KLHDC4: variants seen among roughly 807,000 people sequenced by gnomAD.
KLHDC4 encodes the protein kelch domain-containing protein 4.
A neutral mutation model predicts 62.4 loss-of-function variants in KLHDC4; 90 were observed. That is an observed-to-expected ratio of 1.44 (90% confidence interval 1.22 to 1.72). The LOEUF is 1.72. Ranked by LOEUF, KLHDC4 falls within the 40% of genes most tolerant of loss-of-function variation. The probability of loss-of-function intolerance (pLI) is 0.00; values close to 1 mark genes in which losing one functional copy is unlikely to be tolerated. For missense variants in KLHDC4, 1,025 were observed against 699.7 expected (o/e 1.47, Z -5.25); for synonymous variants, 386 against 284.4 (o/e 1.36, Z -3.59).
chr16:87,765,764 G>A, intron 1 of KLHDC4, 28 bp downstream of exon 1: 2 of 1,553,232 alleles, frequency 1.3e-6, no homozygotes, highest in Non-Finnish European at 1.7e-6. Context: ...GCGACGTCGG[G>A]CCGCTAAGCC....
chr16:87,749,673 T>A (rs546130534), intron 4 of KLHDC4, among the ~76,000 whole-genome samples: 1 of 152,044 alleles, frequency 6.6e-6, no homozygotes, highest in East Asian at 1.9e-4. Flanking sequence ...AGCCTCGACC[T>A]CATGGTTTCA....
chr16:87,700,225 T>A (rs1209483550), exon 1 of KLHDC4: 1 of 154,526 alleles, frequency 6.5e-6, no homozygotes, highest in Non-Finnish European at 1.5e-5. Flanking sequence ...CGAAGTTTGA[T>A]CTGACTGTTC....
In KLHDC4 at chr16:87,765,817, A is replaced by C. The variant is rs1178797744; in HGVS notation, c.74T>G (p.Val25Gly). The change falls in exon 1 of 12, where the codon GTG becomes GGG. Residue 25 changes from valine to glycine, a missense_variant. Val to Gly is a moderately radical substitution (Grantham distance 109). Transcript: ENST00000270583. ...CTCCTCCTTCCGCGAGCGCTTAGAC[A>C]CCTTCTTCTCCATCTTGGCGGCCGT... ...EKTAAKMEKK[V>G]SKRSRKEEED... The C allele has an allele frequency of 6.4e-7, 1 of 1,567,996 alleles. No individual in the cohort carries two copies. The highest frequency in any genetic ancestry group is 1.2e-5 in the South Asian group (1 of 85,362).
At chr16:87,711,078 C>A in intron 9 of KLHDC4, 157 bp downstream of exon 9, 1 of 665,236 alleles carries the variant, frequency 1.5e-6, no homozygotes, top group Non-Finnish European at 2.6e-6. Context: ...CAAGCCTAGT[C>A]ACCCAGGACA....
intron 5 of KLHDC4, among the ~76,000 whole-genome samples, chr16:87,747,189 A>G (rs1480257502): frequency 6.6e-6 from 1 of 152,244 alleles, no homozygotes; most frequent in Non-Finnish European, 1.5e-5. Flanking sequence ...CCACAGAGGC[A>G]CCGGAGCCAA....
intron 7 of KLHDC4, among the ~76,000 whole-genome samples, chr16:87,717,225 C>A (rs2037187009): frequency 1.3e-5 from 2 of 152,154 alleles, no homozygotes; most frequent in Admixed American, 1.3e-4. Flanking sequence ...AGTGAGACTT[C>A]TCAAAAATTA....
At position 87,748,682 on chromosome 16, in the gene KLHDC4, T is replaced by C. The variant is rs970255293; in HGVS notation, c.497A>G (p.Glu166Gly). 1.2e-6 allele frequency: 2 copies of C among 1,613,042 alleles called. No homozygotes were observed. Among genetic ancestry groups the C allele is most frequent in the African/African-American group, 2.7e-5 (2 of 74,588 alleles). ...TCATCTGGCTTCTTACTTGACTTGT[T>C]CCCAGGTCTTGGTGGCCAAATGCAG... is the stretch of plus-strand genomic sequence containing the variant. ...WVLHLATKTW[E>G]QVKSTGGPSG... Residue 166 changes from glutamate (E) to glycine (G), a missense_variant, in exon 5 of 12, where the codon GAA (glutamate) becomes GGA (glycine). Glu to Gly is a moderately conservative substitution (Grantham distance 98). Transcript: ENST00000270583.
chr16:87,762,294 G>C (rs1435566317), intron 1 of KLHDC4: 3 of 551,258 alleles, frequency 5.4e-6, no homozygotes, highest in South Asian at 3.2e-5. Flanking sequence ...CGCTCCCTCT[G>C]CAAGACCTTC....
downstream of KLHDC4, chr16:87,707,716 G>C (rs2034922303): frequency 3.9e-6 from 1 of 256,804 alleles, no homozygotes; most frequent in Admixed American, 5.0e-5. Flanking sequence ...TCCAGTGTGG[G>C]GTGGTCTCGC....
Position 87,748,917 on chromosome 16 carries a change from A to G in KLHDC4, c.370-108T>C, listed in dbSNP as rs142985694. The G allele has an allele frequency of 5.4e-4, 696 of 1,293,086 alleles. 2 individuals carry two copies. The Middle Eastern group carries it at 6.5e-3, about 12-fold the overall frequency. 80.1% of individuals were successfully genotyped at this position (1,293,086 alleles called of 1,614,324 possible). A position where few individuals can be genotyped will look rare whatever the true frequency, so the allele number is the denominator to read the frequency against. On this transcript the variant is annotated intron_variant, in intron 4 of 11. Coordinates refer to ENST00000270583, the MANE Select transcript of KLHDC4 (RefSeq NM_017566.4). Reference sequence around the variant, plus strand: ...TTCAGTACTATCTCGGATGCCCTGCAACATGACCAGCCCCACACTCAGCCA... The same window carrying G: ...TTCAGTACTATCTCGGATGCCCTGCGACATGACCAGCCCCACACTCAGCCA...
intron 5 of KLHDC4, among the ~76,000 whole-genome samples, chr16:87,742,726 C>G (rs751635903): frequency 6.6e-5 from 10 of 152,204 alleles, no homozygotes; most frequent in East Asian, 3.9e-4. Context: ...ACGTGGAGTA[C>G]GAAGACTTGA....
At chr16:87,719,613 C>G (rs75071066) in intron 7 of KLHDC4, among the ~76,000 whole-genome samples, 4,466 of 151,500 alleles carry the variant, frequency 0.029, 228 homozygotes, top group African/African-American at 0.1. Context: ...CACTGTTGTC[C>G]TATGACCCAG....
intron 4 of KLHDC4, among the ~76,000 whole-genome samples, chr16:87,752,181 A>C (rs1367635101): frequency 1.4e-5 from 2 of 147,078 alleles, no homozygotes; most frequent in Non-Finnish European, 3.0e-5. Context: ...CAGAGGCAGG[A>C]GGATCGTTTG....
chr16:87,765,115 C>G, intron 1 of KLHDC4: 1 of 455,998 alleles, frequency 2.2e-6, no homozygotes, highest in Non-Finnish European at 4.4e-6. Context: ...GCACGGCAGG[C>G]CATAAAACTG....
chr16:87,705,201 G>A (rs191725336), downstream of KLHDC4, among the ~76,000 whole-genome samples: 30 of 152,310 alleles, frequency 2.0e-4, 1 homozygote, highest in East Asian at 5.8e-3. Context: ...CAGCTCCCGG[G>A]AGACAGAGGC....
At chr16:87,734,266 C>T (rs1244229232) in intron 5 of KLHDC4, among the ~76,000 whole-genome samples, 1 of 151,202 alleles carries the variant, frequency 6.6e-6, no homozygotes, top group African/African-American at 2.4e-5. Flanking sequence ...ATTGCTTGAA[C>T]CCAGGAGGTG....
intron 9 of KLHDC4, chr16:87,709,896 A>T: frequency 4.0e-6 from 2 of 503,900 alleles, no homozygotes; most frequent in South Asian, 3.8e-5. Flanking sequence ...GGGGCAGAAA[A>T]CCCCCCACTG....
chr16:87,712,336 G>A (rs1247121578), intron 8 of KLHDC4, among the ~76,000 whole-genome samples: 6 of 151,476 alleles, frequency 4.0e-5, no homozygotes, highest in Admixed American at 6.6e-5. Flanking sequence ...GACGTCACCC[G>A]CCCATGCCCA....
chr16:87,723,649 G>GA (rs35342672), intron 7 of KLHDC4, among the ~76,000 whole-genome samples: 1 of 152,158 alleles, frequency 6.6e-6, no homozygotes, highest in African/African-American at 2.4e-5. Flanking sequence ...AGATGACCAA[G>GA]AAAAAAATCG....
Sources: allele counts gnomAD v4.1 joint callset (sites outside exome capture counted in the v4.1 genomes callset), GRCh38; gene constraint gnomAD v4.1.1; transcripts MANE v1.5; gene names NCBI Gene and HGNC (gene_info 2026-07-23, HGNC 2026-07-21).